PIN4: variants seen among roughly 807,000 people sequenced by gnomAD.
The protein encoded by PIN4 is peptidyl-prolyl cis-trans isomerase NIMA-interacting 4.
PIN4 carries 3 observed loss-of-function variants against 8.3 expected under a neutral mutation model. The observed-to-expected ratio is 0.36, with a 90% CI of 0.16 to 0.93. The LOEUF (loss-of-function observed/expected upper bound fraction) is 0.93, where lower values mean the gene tolerates loss of function less well. Ranked by LOEUF, PIN4 falls within the 40% of genes least tolerant of loss-of-function variation. The pLI, the probability that PIN4 is intolerant of heterozygous loss-of-function variation, is 0.44. For synonymous variants in PIN4, 18 were observed against 32.5 expected, an observed-to-expected ratio of 0.55 and a Z score of 1.52; for missense variants, 75 against 100.6, an observed-to-expected ratio of 0.75 and a Z score of 1.09.
At chrX:72,197,343 A>T in intron 3 of PIN4, 25 bp from the exon 4 acceptor site, 1 of 1,183,777 alleles carries the variant, frequency 8.4e-7, no homozygotes, top group South Asian at 1.8e-5. Flanking sequence ...GCCACTTGAT[A>T]TCACTTATCT....
chrX:72,229,931 G>A (rs1027639590), intron 3 of PIN4, among the ~76,000 whole-genome samples: 5 of 111,541 alleles, frequency 4.5e-5, no homozygotes, highest in South Asian at 3.8e-4. Context: ...GGTGGCTCAC[G>A]CCTGTAATCC....
intron 3 of PIN4, among the ~76,000 whole-genome samples, chrX:72,234,108 T>A (rs2043002624): frequency 9.2e-6 from 1 of 108,413 alleles, no homozygotes; most frequent in Non-Finnish European, 1.9e-5. Context: ...AGACTCCGTC[T>A]CAAAAAAAAA....
intron 3 of PIN4, among the ~76,000 whole-genome samples, chrX:72,239,217 C>CAA (rs1449750801): frequency 8.8e-6 from 1 of 113,103 alleles, no homozygotes; most frequent in Non-Finnish European, 1.9e-5. Flanking sequence ...TCTGTGATCC[C>CAA]TCGCGTTTCA....
At chrX:72,200,735 T>C (rs1357275765), downstream of PIN4, among the ~76,000 whole-genome samples, 2 of 111,810 alleles carry the variant, frequency 1.8e-5, no homozygotes, top group Non-Finnish European at 3.8e-5. Flanking sequence ...TATATACACA[T>C]ATGTACTTGT....
At chrX:72,219,898 G>C (rs2042913045) in intron 3 of PIN4, among the ~76,000 whole-genome samples, 1 of 109,823 alleles carries the variant, frequency 9.1e-6, no homozygotes, top group Non-Finnish European at 1.9e-5. Context: ...ATAATGTGAA[G>C]AGAAGTCGCA....
rs1463787235 is a variant in PIN4, at chrX:72,256,015, G to A, written c.313-6692G>A. The A allele has an allele frequency of 2.7e-5, 3 of 112,330 alleles. No homozygotes were observed. In the East Asian group the frequency reaches 8.4e-4, roughly 31 times the overall value. 9.3% of individuals were successfully genotyped at this position (112,330 alleles called of 1,213,427 possible). A position where few individuals can be genotyped will look rare whatever the true frequency, so the allele number is the denominator to read the frequency against. On this transcript the variant is annotated intron_variant, in intron 3 of 3. Transcript: ENST00000423432. ...TGCCGGGCACCGGGAATGCAAAGGC[G>A]AAGACTCCAAGTTCTTGTAGTGAAG...
At chrX:72,203,251 TCTTC>T (rs752575759), downstream of PIN4, among the ~76,000 whole-genome samples, 2 of 112,371 alleles carry the variant, frequency 1.8e-5, no homozygotes, top group African/African-American at 6.5e-5. Flanking sequence ...CCTACACATC[TCTTC>T]CATTTGGGTG....
Position 72,184,546 on chromosome X carries a change from T to C in PIN4, c.44-1915T>C, listed in dbSNP as rs766092827. ...TGAGGGTGGAGAGGAAGCCCAAAGC[T>C]GATGCCAGAGTCGTCAGGAAATCAA... On this transcript the variant is annotated intron_variant, in intron 1 of 3. Transcript: ENST00000373669. 2.7e-5 allele frequency among the ~76,000 whole-genome samples: 3 copies of C among 110,880 alleles called. No individual in the cohort carries two copies. In the East Asian group the frequency reaches 8.5e-4, roughly 31 times the overall value.
At chrX:72,225,292 A>G (rs887296370) in intron 3 of PIN4, among the ~76,000 whole-genome samples, 1 of 112,144 alleles carries the variant, frequency 8.9e-6, no homozygotes, top group Non-Finnish European at 1.9e-5. Flanking sequence ...GACAGCCCTC[A>G]CTATTTCGGT....
At chrX:72,193,768 G>A (rs2042748712) in intron 2 of PIN4, among the ~76,000 whole-genome samples, 1 of 109,654 alleles carries the variant, frequency 9.1e-6, no homozygotes, top group South Asian at 3.9e-4. Context: ...CTACTCAGGA[G>A]GCTGAGAGAC....
chrX:72,203,825 CAT>C (rs2042801564), intron 3 of PIN4, among the ~76,000 whole-genome samples: 1 of 111,700 alleles, frequency 9.0e-6, no homozygotes, highest in Non-Finnish European at 1.9e-5. Context: ...GTGCCCAACA[CAT>C]AGTACGTCAT....
chrX:72,252,155 A>T lies in PIN4; in HGVS notation c.313-10552A>T, dbSNP rs57644017. ...GAGTCTTTTCTTTTTAATAAAAAAA[A>T]TTTTTTTTTGAGAGACAGGGTCTTG... On this transcript the variant is annotated intron_variant, in intron 3 of 3. Coordinates refer to the PIN4 transcript ENST00000423432. Among the ~76,000 whole-genome samples, 1,088 of 109,067 alleles carry T rather than the reference A, an allele frequency of 1.0e-2. 8 individuals are homozygous for T. Among genetic ancestry groups the T allele is most frequent in the African/African-American group, 0.027 (808 of 30,056 alleles). The allele number at this position is 109,067 out of a possible 115,157, so 94.7% of individuals were successfully genotyped here.
intron 3 of PIN4, among the ~76,000 whole-genome samples, chrX:72,235,389 CTT>C (rs144267277): frequency 1.5e-5 from 1 of 68,570 alleles, no homozygotes. Flanking sequence ...CCCTCTTCCA[CTT>C]TTTTTTTTTT....
Position 72,189,069 on chromosome X carries a change from G to A in PIN4, c.117+2535G>A, listed in dbSNP as rs754546439. On this transcript the variant is annotated intron_variant, in intron 2 of 3. Coordinates refer to ENST00000373669, the MANE Select transcript of PIN4 (RefSeq NM_006223.4). Reference sequence around the variant, plus strand: ...AGTCCCAGCTACTTGGGAGGCTGAGGTAGGAGGATTGTTTGAGCCCAGGAG... The same window carrying A: ...AGTCCCAGCTACTTGGGAGGCTGAGATAGGAGGATTGTTTGAGCCCAGGAG... 1.9e-3 allele frequency among the ~76,000 whole-genome samples: 208 copies of A among 111,331 alleles called. 1 individual carries two copies. The highest frequency in any genetic ancestry group is 6.4e-3 in the African/African-American group (193 of 30,367).
At chrX:72,221,099 A>G (rs1461550136) in intron 3 of PIN4, among the ~76,000 whole-genome samples, 1 of 112,151 alleles carries the variant, frequency 8.9e-6, no homozygotes, top group Non-Finnish European at 1.9e-5. Flanking sequence ...CTACTCCCCA[A>G]CAAGTCTTTA....
intron 3 of PIN4, among the ~76,000 whole-genome samples, chrX:72,240,149 G>C (rs1285039540): frequency 9.1e-6 from 1 of 110,005 alleles, no homozygotes; most frequent in African/African-American, 3.3e-5. Context: ...TCACATACTT[G>C]GTATAATAAA....
intron 3 of PIN4, among the ~76,000 whole-genome samples, chrX:72,261,296 G>GAAAA (rs754002557): frequency 8.7e-5 from 4 of 46,018 alleles, no homozygotes; most frequent in Admixed American, 2.9e-4. Context: ...CTCCGTCTCA[G>GAAAA]AAAAAAAAAA....
At chrX:72,186,265 T>C (rs1250985006) in intron 1 of PIN4, 196 bp from the exon 2 acceptor site, 2 of 491,639 alleles carry the variant, frequency 4.1e-6, no homozygotes, top group African/African-American at 4.7e-5. Flanking sequence ...TAGCGTATTT[T>C]GTGTGGCCCA....
intron 3 of PIN4, chrX:72,237,843 C>T (rs2043026416): frequency 8.9e-6 from 1 of 111,734 alleles, no homozygotes; most frequent in Non-Finnish European, 1.9e-5. Context: ...TAAGTCCCAG[C>T]TACTAGGGAG....
Sources: allele counts gnomAD v4.1 joint callset (sites outside exome capture counted in the v4.1 genomes callset), GRCh38; gene constraint gnomAD v4.1.1; transcripts MANE v1.5; gene names NCBI Gene and HGNC (gene_info 2026-07-23, HGNC 2026-07-21).